Variants in SAMD8 observed in about 807,000 individuals in gnomAD.
SAMD8 encodes the protein sphingomyelin synthase-related protein 1.
SAMD8 carries 20 observed loss-of-function variants against 42.0 expected under a neutral mutation model. That is an observed-to-expected ratio of 0.48 (90% CI 0.34 to 0.69). The LOEUF is 0.69. Among genes scored for constraint, SAMD8 ranks in the 30% least tolerant of loss-of-function variants. The probability of loss-of-function intolerance (pLI) is 0.01; values close to 1 mark genes in which losing one functional copy is unlikely to be tolerated. For synonymous variants in SAMD8, 162 were observed against 173.0 expected, an observed-to-expected ratio of 0.94 and a Z score of 0.50; for missense variants, 328 against 511.6, an observed-to-expected ratio of 0.64 and a Z score of 3.46.
chr10:75,148,712 A>G (rs979281610), intron 1 of SAMD8, among the ~76,000 whole-genome samples: 3 of 152,302 alleles, frequency 2.0e-5, no homozygotes, highest in East Asian at 1.9e-4. Context: ...TTCATAGCCA[A>G]CAATGCATTT....
chr10:75,121,128 T>G (rs1848996697), intron 1 of SAMD8, among the ~76,000 whole-genome samples: 1 of 152,170 alleles, frequency 6.6e-6, no homozygotes, highest in Non-Finnish European at 1.5e-5. Flanking sequence ...TTATTGTAAG[T>G]GCATTACATG....
Position 75,149,881 on chromosome 10 carries a change from G to A in SAMD8, c.-15-633G>A, listed in dbSNP as rs1004669426. 3.9e-5 allele frequency among the ~76,000 whole-genome samples: 6 copies of A among 152,126 alleles called. No individual in the cohort carries two copies. The East Asian group carries it at 1.2e-3, about 29-fold the overall frequency. On this transcript the variant is annotated intron_variant, in intron 1 of 5. Coordinates refer to ENST00000542569, the MANE Select transcript of SAMD8 (RefSeq NM_001174156.2). ...TTGTAAAATGTCGTTCTGTAAAAAT[G>A]TTTGGTTATTAAATTTTCTTCTGCT...
intron 1 of SAMD8, among the ~76,000 whole-genome samples, chr10:75,118,838 C>T (rs1016826316): frequency 6.6e-5 from 10 of 152,112 alleles, no homozygotes; most frequent in Non-Finnish European, 1.5e-4. Context: ...TAAACCTTAT[C>T]CTCCTACATC....
intron 1 of SAMD8, among the ~76,000 whole-genome samples, chr10:75,124,050 C>T (rs538184293): frequency 1.3e-5 from 2 of 152,096 alleles, no homozygotes; most frequent in South Asian, 2.1e-4. Flanking sequence ...TTTCTTGGAG[C>T]TTTTTTTATC....
At chr10:75,129,422 A>G (rs1159736271) in intron 1 of SAMD8, among the ~76,000 whole-genome samples, 1 of 151,986 alleles carries the variant, frequency 6.6e-6, no homozygotes, top group Non-Finnish European at 1.5e-5. Flanking sequence ...TGTATTTTTA[A>G]TAGAGACAGT....
chr10:75,101,621 C>T (rs146302964), intron 1 of SAMD8, among the ~76,000 whole-genome samples: 152 of 152,232 alleles, frequency 1.0e-3, no homozygotes, highest in African/African-American at 3.4e-3. Flanking sequence ...ATGAGGAAAC[C>T]GAGACTCAGA....
At position 75,177,700 on chromosome 10, in the gene SAMD8, G is replaced by A. The variant is rs1346634337; in HGVS notation, c.*1008G>A. On this transcript the variant is annotated 3_prime_UTR_variant, in exon 6 of 6. Coordinates refer to ENST00000542569, the MANE Select transcript of SAMD8 (RefSeq NM_001174156.2). Reference sequence around the variant, plus strand: ...AATTTATCATTCTTGGCTGTTGGAAGTAAACAGTCTCAGACATACTTGGAT... The same window carrying A: ...AATTTATCATTCTTGGCTGTTGGAAATAAACAGTCTCAGACATACTTGGAT... 1 of 152,224 alleles carries A rather than the reference G, an allele frequency of 6.6e-6. No individual in the cohort carries two copies. The highest frequency in any genetic ancestry group is 1.5e-5 in the Non-Finnish European group (1 of 68,040). The allele number at this position is 152,224 out of a possible 1,614,324, so 9.4% of individuals were successfully genotyped here.
At chr10:75,149,670 G>A (rs1010986668) in intron 1 of SAMD8, among the ~76,000 whole-genome samples, 2 of 152,028 alleles carry the variant, frequency 1.3e-5, no homozygotes, top group Admixed American at 6.5e-5. Context: ...CCCCAGGTGG[G>A]GAGATACGTT....
intron 1 of SAMD8, among the ~76,000 whole-genome samples, chr10:75,112,744 G>A (rs967719248): frequency 8.5e-5 from 13 of 152,086 alleles, no homozygotes; most frequent in Non-Finnish European, 1.8e-4. Flanking sequence ...CAAGACTTTG[G>A]ATACTCAGAT....
intron 2 of SAMD8, among the ~76,000 whole-genome samples, chr10:75,153,480 G>A (rs914828496): frequency 2.6e-5 from 4 of 151,600 alleles, no homozygotes; most frequent in South Asian, 2.1e-4. Flanking sequence ...ATGTGGTGGC[G>A]GACACCTGTA....
chr10:75,100,423 C>G (rs543667891), intron 1 of SAMD8, among the ~76,000 whole-genome samples: 18 of 152,288 alleles, frequency 1.2e-4, no homozygotes, highest in East Asian at 9.7e-4. Flanking sequence ...CCGGCCACCC[C>G]CCCAGGGACT....
chr10:75,143,244 T>A (rs1840062742), intron 1 of SAMD8, among the ~76,000 whole-genome samples: 1 of 152,224 alleles, frequency 6.6e-6, no homozygotes, highest in Non-Finnish European at 1.5e-5. Context: ...AGGCAGAGGT[T>A]GCAGTGAGCC....
chr10:75,173,382 G>A (rs532248270), intron 4 of SAMD8, among the ~76,000 whole-genome samples: 36 of 152,240 alleles, frequency 2.4e-4, no homozygotes, highest in Admixed American at 1.9e-3. Context: ...TTGAAATTTA[G>A]AAACACTTAA....
chr10:75,148,212 T>G (rs1840189643), intron 1 of SAMD8, among the ~76,000 whole-genome samples: 1 of 152,202 alleles, frequency 6.6e-6, no homozygotes, highest in South Asian at 2.1e-4. Flanking sequence ...TTTATCAAGC[T>G]TATTTCTTGT....
intron 1 of SAMD8, among the ~76,000 whole-genome samples, chr10:75,114,172 C>T (rs530757400): frequency 1.3e-5 from 2 of 152,134 alleles, no homozygotes; most frequent in Non-Finnish European, 1.5e-5. Context: ...CCCATCTCTA[C>T]TAATACTATA....
rs560307937 is a variant in SAMD8 at position 75,155,366 on chromosome 10, G to A, written c.578+4260G>A. Among the ~76,000 whole-genome samples the A allele has an allele frequency of 2.6e-5, 4 of 152,100 alleles. No individual in the cohort carries two copies. The East Asian group carries it at 7.7e-4, about 29-fold the overall frequency. ...GATGTCAAGGAAGAGATGGAAATAT[G>A]AGCAGAAGTTCAGAGAGATTGAGAG... On this transcript the variant is annotated intron_variant, in intron 2 of 5. Transcript: ENST00000542569.
chr10:75,139,122 G>T (rs545976846), intron 1 of SAMD8, among the ~76,000 whole-genome samples: 8 of 151,438 alleles, frequency 5.3e-5, no homozygotes, highest in Non-Finnish European at 1.2e-4. Context: ...CACCACGCCC[G>T]ATTAATTTTT....
chr10:75,108,377 C>T (rs1017995842), upstream of SAMD8: 6 of 1,302,034 alleles, frequency 4.6e-6, no homozygotes, highest in African/African-American at 3.0e-5. Context: ...CCCAGAGCCC[C>T]GCACTTTCTG....
upstream of SAMD8, chr10:75,111,449 C>T: frequency 8.6e-7 from 1 of 1,164,210 alleles, no homozygotes; most frequent in East Asian, 3.3e-5. Flanking sequence ...CGCCCCCTGC[C>T]GGTAGAACCC....
Sources: allele counts gnomAD v4.1 joint callset (sites outside exome capture counted in the v4.1 genomes callset), GRCh38; gene constraint gnomAD v4.1.1; transcripts MANE v1.5; gene names NCBI Gene and HGNC (gene_info 2026-07-23, HGNC 2026-07-21).